Variants in FGD4 observed in about 807,000 individuals in gnomAD.
The protein encoded by FGD4 is FYVE, RhoGEF and PH domain-containing protein 4.
FGD4 carries 42 observed loss-of-function variants against 102.0 expected under a neutral mutation model. The ratio of observed to expected loss-of-function variants is 0.41; its 90% CI spans 0.32 to 0.53. The LOEUF (loss-of-function observed/expected upper bound fraction) is 0.53. Among genes scored for constraint, FGD4 ranks in the 20% least tolerant of loss-of-function variants. FGD4 has a pLI of 0.21. For synonymous variants in FGD4, 380 were observed against 375.7 expected, an observed-to-expected ratio of 1.01 and a Z score of -0.13; for missense variants, 902 against 1,078.2, an observed-to-expected ratio of 0.84 and a Z score of 2.29.
At chr12:32,498,155 A>T (rs1325613562) in intron 1 of FGD4, among the ~76,000 whole-genome samples, 1 of 152,232 alleles carries the variant, frequency 6.6e-6, no homozygotes, top group African/African-American at 2.4e-5. Flanking sequence ...GCTTAAACAC[A>T]TAACTCCCAA....
In FGD4 at chr12:32,640,413, GA is replaced by G; in HGVS notation, c.2594del (p.Lys865SerfsTer5). ...HSFAADSEEL[K>X]QKWLKVILLA... ...GCTTTGCTGCAGACAGTGAGGAACTGAAGCAGAAGTGGCTGAAAGTCATCCT... is the reference window on the plus strand; with the variant it reads ...GCTTTGCTGCAGACAGTGAGGAACTGAGCAGAAGTGGCTGAAAGTCATCCT... On this transcript the variant is annotated frameshift_variant, in exon 17 of 17. Transcript: ENST00000534526. LOFTEE classifies it high-confidence loss of function. 6.2e-7 allele frequency: 1 copy of G among 1,614,200 alleles called. No individual in the cohort carries two copies. Among genetic ancestry groups the G allele is most frequent in the Non-Finnish European group, 8.5e-7 (1 of 1,180,030 alleles).
chr12:32,492,783 A>G (rs1255913726), intron 1 of FGD4, among the ~76,000 whole-genome samples: 1 of 151,068 alleles, frequency 6.6e-6, no homozygotes, highest in Non-Finnish European at 1.5e-5. Context: ...TATTTCTCTT[A>G]TTTTTTTTTG....
rs1277942711 is a variant in FGD4, at chr12:32,605,390, C to CTTTGA, written c.1405-2563_1405-2559dup. 2.0e-5 allele frequency among the ~76,000 whole-genome samples: 3 copies of CTTTGA among 152,040 alleles called. No individual in the cohort carries two copies. The East Asian group carries it at 5.8e-4, about 29-fold the overall frequency. ...TACCTTACTGAATATTGGGCTCCTG[C>CTTTGA]TTTGATTTTTACTAGCTTCTTTTGC... is the stretch of plus-strand genomic sequence containing the variant. On this transcript the variant is annotated intron_variant, in intron 7 of 16. Coordinates refer to ENST00000534526, the MANE Select transcript of FGD4 (RefSeq NM_001370298.3).
intron 1 of FGD4, among the ~76,000 whole-genome samples, chr12:32,481,003 G>C (rs934112334): frequency 6.6e-6 from 1 of 151,422 alleles, no homozygotes; most frequent in Non-Finnish European, 1.5e-5. Context: ...TGCATGCTGA[G>C]ATGGGGTCTC....
chr12:32,579,630 C>A (rs1247397473), intron 3 of FGD4: 1 of 152,170 alleles, frequency 6.6e-6, no homozygotes, highest in Admixed American at 6.5e-5. Flanking sequence ...CCAGGGAATC[C>A]AGAGACTGAT....
chr12:32,480,138 A>G (rs1273841305), intron 1 of FGD4, among the ~76,000 whole-genome samples: 1 of 149,510 alleles, frequency 6.7e-6, no homozygotes, highest in East Asian at 2.0e-4. Context: ...CCCCAAATGG[A>G]TATGTTTGTT....
Position 32,611,139 on chromosome 12 carries a change from G to C in FGD4, c.1605G>C (p.Glu535Asp), listed in dbSNP as rs746263549. Residue 535 changes from glutamate (E) to aspartate (D), a missense_variant and splice_region_variant, in exon 10 of 17, where the codon GAG (glutamate) becomes GAC (aspartate). This residue lies in a region of FGD4 where 459 missense variants were observed against 619.0 expected (regional missense o/e 0.74). Coordinates refer to ENST00000534526, the MANE Select transcript of FGD4 (RefSeq NM_001370298.3). ...ATCTTGCTGTTTTAATTTCCTAGGA[G>C]AACCTAAAGAAACTCTTAGAGATTT... ...SHSNSAIRKM[E>D]NLKKLLEIYE... is the part of the protein sequence containing the mutation. The C allele has an allele frequency of 1.9e-6, 3 of 1,614,088 alleles. No individual in the cohort carries two copies. Among genetic ancestry groups the C allele is most frequent in the Non-Finnish European group, 2.5e-6 (3 of 1,180,002 alleles).
chr12:32,527,039 T>A (rs964241761), intron 1 of FGD4, among the ~76,000 whole-genome samples: 3 of 152,314 alleles, frequency 2.0e-5, no homozygotes, highest in Middle Eastern at 3.4e-3. Flanking sequence ...AGAGAGGATA[T>A]ATATTGATAT....
intron 1 of FGD4, among the ~76,000 whole-genome samples, chr12:32,482,972 T>A (rs966644626): frequency 1.3e-5 from 2 of 152,220 alleles, no homozygotes; most frequent in African/African-American, 4.8e-5. Flanking sequence ...TTGAGGTTGT[T>A]ATGAGGAGAG....
chr12:32,619,733 C>T lies in FGD4; in HGVS notation c.1785C>T (p.Phe595=), dbSNP rs1318094995. Residue 595 remains phenylalanine, a synonymous_variant, in exon 11 of 17, where the codon TTC becomes TTT. Transcript: ENST00000534526. Reference sequence around the variant, plus strand: ...TGTTGCTGTACTGTGTGCCCAAATTCAGCTTGGTAGGCTCTAAATTCACAG... The same window carrying T: ...TGTTGCTGTACTGTGTGCCCAAATTTAGCTTGGTAGGCTCTAAATTCACAG... ...NNMLLYCVPK[F]SLVGSKFTVR... 4 of 1,613,936 alleles carry T rather than the reference C, an allele frequency of 2.5e-6. No individual in the cohort carries two copies. The highest frequency in any genetic ancestry group is 3.4e-6 in the Non-Finnish European group (4 of 1,180,032).
At chr12:32,545,060 A>C (rs1181822963) in intron 1 of FGD4, among the ~76,000 whole-genome samples, 2 of 152,202 alleles carry the variant, frequency 1.3e-5, no homozygotes, top group Non-Finnish European at 2.9e-5. Flanking sequence ...ACTGACCTTG[A>C]GAAGCATGAT....
intron 4 of FGD4, among the ~76,000 whole-genome samples, chr12:32,596,883 C>T (rs1947939514): frequency 6.7e-6 from 1 of 149,752 alleles, no homozygotes; most frequent in Admixed American, 6.7e-5. Context: ...TGCGGTGAGC[C>T]GAGATCATGC....
intron 1 of FGD4, among the ~76,000 whole-genome samples, chr12:32,468,264 AT>A (rs57001434): frequency 0.2 from 29,430 of 147,740 alleles, 3,195 homozygotes; most frequent in East Asian, 0.27. Flanking sequence ...TGAATGCTGT[AT>A]TTTTTTTTTT....
intron 1 of FGD4, among the ~76,000 whole-genome samples, chr12:32,530,952 T>TTTG (rs1330940068): frequency 7.8e-6 from 1 of 128,668 alleles, no homozygotes; most frequent in African/African-American, 3.1e-5. Flanking sequence ...TTTTTTTTTT[T>TTTG]TTTTTTTTTT....
rs1951136451 is a variant in FGD4, at chr12:32,641,132, T to A, written c.*599T>A. 6.5e-6 allele frequency: 1 copy of A among 154,584 alleles called. No individual in the cohort carries two copies. The highest frequency in any genetic ancestry group is 2.0e-4 in the South Asian group (1 of 5,012). 9.6% of individuals were successfully genotyped at this position (154,584 alleles called of 1,614,324 possible). On this transcript the variant is annotated 3_prime_UTR_variant, in exon 17 of 17. Transcript: ENST00000534526. ...AATACTCCTAAGAATGTCTTAAGTA[T>A]ATAGCAATTATGTATATATAGTATT...
In FGD4 at chr12:32,645,586, A is replaced by T. The variant is rs1050439842; in HGVS notation, c.*5053A>T. 1 of 152,294 alleles carries T rather than the reference A, an allele frequency of 6.6e-6. No homozygotes were observed. The allele number at this position is 152,294 out of a possible 1,614,324, so 9.4% of individuals were successfully genotyped here. On this transcript the variant is annotated 3_prime_UTR_variant, in exon 17 of 17. Coordinates refer to ENST00000534526, the MANE Select transcript of FGD4 (RefSeq NM_001370298.3). ...GGAGTTCGAGACCAGCCTGGCCAAC[A>T]TGGCAAAACCCTGTCTCTACAAAAA...
rs1287949478 is a variant in FGD4, at chr12:32,642,534, C to CT, written c.*2004dup. The CT allele has an allele frequency of 6.6e-6, 1 of 152,076 alleles. No individual in the cohort carries two copies. The highest frequency in any genetic ancestry group is 2.4e-5 in the African/African-American group (1 of 41,436). 9.4% of individuals were successfully genotyped at this position (152,076 alleles called of 1,614,324 possible). A position where few individuals can be genotyped will look rare whatever the true frequency, so the allele number is the denominator to read the frequency against. On this transcript the variant is annotated 3_prime_UTR_variant, in exon 17 of 17. Coordinates refer to ENST00000534526, the MANE Select transcript of FGD4 (RefSeq NM_001370298.3). ...TATTTTTAAAAGCAAGAAGACTACA[C>CT]TTTCCCTACCAAAACAGAAGTAACA... is the stretch of plus-strand genomic sequence containing the variant.
chr12:32,639,654 A>G (rs1040654435), intron 16 of FGD4, among the ~76,000 whole-genome samples: 1 of 152,216 alleles, frequency 6.6e-6, no homozygotes, highest in Non-Finnish European at 1.5e-5. Flanking sequence ...TTTTAACAAG[A>G]GCAGCACCAG....
At position 32,465,504 on chromosome 12, in the gene FGD4, C is replaced by T. The variant is rs565592920; in HGVS notation, c.166+65545C>T. On this transcript the variant is annotated intron_variant, in intron 1 of 16. Coordinates refer to ENST00000534526, the MANE Select transcript of FGD4 (RefSeq NM_001370298.3). ...CCAACATGGTAAAACCCCGTCTCTA[C>T]TGAAAATACAAAAATTAGCTGGGCG... Among the ~76,000 whole-genome samples, 3 of 152,082 alleles carry T rather than the reference C, an allele frequency of 2.0e-5. No homozygotes were observed. The East Asian group carries it at 5.8e-4, about 29-fold the overall frequency.
Sources: allele counts gnomAD v4.1 joint callset (sites outside exome capture counted in the v4.1 genomes callset), GRCh38; gene constraint gnomAD v4.1.1; regional missense constraint gnomAD v4.1.1; transcripts MANE v1.5; gene names NCBI Gene and HGNC (gene_info 2026-07-23, HGNC 2026-07-21).